Variants in RSU1 observed in about 807,000 individuals in gnomAD.
RSU1 encodes Ras suppressor protein 1, also known as rsu-1.
A neutral mutation model predicts 31.1 loss-of-function variants in RSU1; 26 were observed. The observed-to-expected ratio is 0.84, with a 90% CI of 0.61 to 1.16. RSU1 has a LOEUF of 1.16. Among genes scored for constraint, RSU1 ranks in the 50% most tolerant of loss-of-function variants. RSU1 has a pLI of 0.00. For missense variants in RSU1, 320 were observed against 339.1 expected, an observed-to-expected ratio of 0.94 and a Z score of 0.44; for synonymous variants, 164 against 136.3, an observed-to-expected ratio of 1.20 and a Z score of -1.41.
At chr10:16,620,241 C>A (rs185179793) in intron 8 of RSU1, among the ~76,000 whole-genome samples, 10 of 152,140 alleles carry the variant, frequency 6.6e-5, no homozygotes, top group Admixed American at 5.9e-4. Flanking sequence ...AAGTTAAAAG[C>A]GAAAATGCAC....
In RSU1 at chr10:16,593,390, T is replaced by C; in HGVS notation, c.*4A>G. 1 of 1,614,146 alleles carries C rather than the reference T, an allele frequency of 6.2e-7. No homozygotes were observed. The highest frequency in any genetic ancestry group is 1.1e-5 in the South Asian group (1 of 91,074). On this transcript the variant is annotated 3_prime_UTR_variant, in exon 9 of 9. Coordinates refer to ENST00000345264, the MANE Select transcript of RSU1 (RefSeq NM_012425.4). Reference sequence around the variant, plus strand: ...TGGAAGGCCAGCCGATGCCAATCCCTTCCTTATCTGTTCTTGGCTGCCAGG... The same window carrying C: ...TGGAAGGCCAGCCGATGCCAATCCCCTCCTTATCTGTTCTTGGCTGCCAGG...
intron 8 of RSU1, among the ~76,000 whole-genome samples, chr10:16,594,795 T>C (rs1029392807): frequency 6.8e-6 from 1 of 146,880 alleles, no homozygotes; most frequent in Non-Finnish European, 1.5e-5. Context: ...ATATATTTTT[T>C]TTTTTTTGAG....
At chr10:16,646,239 C>T (rs1472020775) in intron 8 of RSU1, among the ~76,000 whole-genome samples, 1 of 151,832 alleles carries the variant, frequency 6.6e-6, no homozygotes, top group African/African-American at 2.4e-5. Context: ...AAGCCCGTTC[C>T]CCATTTGGGA....
At chr10:16,658,597 A>C (rs955343015) in intron 8 of RSU1, among the ~76,000 whole-genome samples, 2 of 152,032 alleles carry the variant, frequency 1.3e-5, no homozygotes, top group Non-Finnish European at 2.9e-5. Context: ...GGTGGCAGGC[A>C]CCTGTAATCC....
intron 7 of RSU1, among the ~76,000 whole-genome samples, chr10:16,716,590 A>T (rs1348161998): frequency 1.3e-5 from 2 of 152,242 alleles, no homozygotes; most frequent in Middle Eastern, 3.4e-3. Context: ...ATCAGGTGAG[A>T]TAAGAAGACT....
chr10:16,616,847 G>A (rs1322030743), intron 8 of RSU1, among the ~76,000 whole-genome samples: 1 of 152,124 alleles, frequency 6.6e-6, no homozygotes, highest in Non-Finnish European at 1.5e-5. Flanking sequence ...CAATAAACTA[G>A]GTATTAATAG....
chr10:16,783,954 T>C (rs926702630), intron 2 of RSU1, among the ~76,000 whole-genome samples: 1 of 152,230 alleles, frequency 6.6e-6, no homozygotes, highest in African/African-American at 2.4e-5. Flanking sequence ...GGTTGAGAAT[T>C]CACGCTGCAG....
At chr10:16,690,318 C>T (rs562186441) in intron 8 of RSU1, among the ~76,000 whole-genome samples, 20 of 152,288 alleles carry the variant, frequency 1.3e-4, no homozygotes, top group East Asian at 9.6e-4. Context: ...TAAGCTTCAA[C>T]GACCCAACCA....
At chr10:16,743,263 G>GGT (rs1836786579) in intron 7 of RSU1, among the ~76,000 whole-genome samples, 1 of 152,044 alleles carries the variant, frequency 6.6e-6, no homozygotes, top group East Asian at 1.9e-4. Flanking sequence ...CACATTGATG[G>GGT]GTATACCATT....
At chr10:16,747,750 G>A (rs1275287688) in intron 7 of RSU1, among the ~76,000 whole-genome samples, 1 of 152,174 alleles carries the variant, frequency 6.6e-6, no homozygotes, top group Non-Finnish European at 1.5e-5. Context: ...AAACAGTCAG[G>A]GGCTACACAC....
intron 7 of RSU1, among the ~76,000 whole-genome samples, chr10:16,699,525 C>T (rs1344517000): frequency 2.0e-5 from 3 of 152,238 alleles, no homozygotes; most frequent in South Asian, 4.1e-4. Context: ...AAGCATCTCA[C>T]CCCGCTGTCA....
At chr10:16,673,980 C>T (rs185759023) in intron 8 of RSU1, among the ~76,000 whole-genome samples, 131 of 152,262 alleles carry the variant, frequency 8.6e-4, no homozygotes, top group African/African-American at 2.9e-3. Flanking sequence ...TTCACACCAT[C>T]GTGATGGAAC....
intron 8 of RSU1, among the ~76,000 whole-genome samples, chr10:16,596,951 G>A (rs1235602407): frequency 6.6e-6 from 1 of 152,174 alleles, no homozygotes. Flanking sequence ...TCAAACTCCT[G>A]ACCTCAAACG....
intron 7 of RSU1, among the ~76,000 whole-genome samples, chr10:16,747,604 AC>A (rs1266462126): frequency 1.3e-5 from 2 of 152,234 alleles, no homozygotes; most frequent in Admixed American, 1.3e-4. Flanking sequence ...CACTACCAGT[AC>A]CATCTGGATG....
At chr10:16,733,333 TA>T (rs569239845) in intron 7 of RSU1, among the ~76,000 whole-genome samples, 6,832 of 79,650 alleles carry the variant, frequency 0.086, 595 homozygotes, top group African/African-American at 0.28. Context: ...TCTACGACAA[TA>T]AAAAAAAAAA....
chr10:16,800,942 A>C (rs1056144770), intron 2 of RSU1, among the ~76,000 whole-genome samples: 1 of 145,558 alleles, frequency 6.9e-6, no homozygotes, highest in African/African-American at 2.7e-5. Flanking sequence ...AGCCACGGAA[A>C]GCAGAAAAAG....
intron 2 of RSU1, among the ~76,000 whole-genome samples, chr10:16,793,628 T>C (rs1837971391): frequency 6.6e-6 from 1 of 152,058 alleles, no homozygotes; most frequent in South Asian, 2.1e-4. Context: ...AAAAATATAG[T>C]AAGCCACCTA....
chr10:16,741,661 A>T lies in RSU1; in HGVS notation c.598+10878T>A, dbSNP rs1456637293. On this transcript the variant is annotated intron_variant, in intron 7 of 8. Coordinates refer to ENST00000345264, the MANE Select transcript of RSU1 (RefSeq NM_012425.4). ...ACCATGGGTGCCAGATGGGCCTTAA[A>T]TATTCCTAGGGAACATTAAAGAGCT... Among the ~76,000 whole-genome samples, 7 of 152,320 alleles carry T rather than the reference A, an allele frequency of 4.6e-5. No individual in the cohort carries two copies. The East Asian group carries it at 1.3e-3, about 29-fold the overall frequency.
intron 8 of RSU1, among the ~76,000 whole-genome samples, chr10:16,675,364 T>C (rs1835208704): frequency 6.6e-6 from 1 of 152,222 alleles, no homozygotes; most frequent in African/African-American, 2.4e-5. Context: ...GTATTCTACC[T>C]AGACATCAGG....
Sources: gnomAD v4.1 joint callset for allele counts (sites outside exome capture counted in the v4.1 genomes callset) on GRCh38, gnomAD v4.1.1 for gene constraint, MANE v1.5 for transcripts, NCBI Gene and HGNC (gene_info 2026-07-23, HGNC 2026-07-21) for gene names.